Variants in ZC3HAV1 observed in about 807,000 individuals in gnomAD.
The protein encoded by ZC3HAV1 is zinc finger CCCH-type containing, antiviral 1.
In ZC3HAV1, 41 loss-of-function variants were observed where a neutral mutation model predicts 86.6. The ratio of observed to expected loss-of-function variants is 0.47; its 90% CI spans 0.37 to 0.61. The LOEUF (loss-of-function observed/expected upper bound fraction) is 0.61. Among genes scored for constraint, ZC3HAV1 ranks in the 20% least tolerant of loss-of-function variants. The pLI is 0.00. For synonymous variants in ZC3HAV1, 421 were observed against 432.1 expected (o/e 0.97, Z 0.32); for missense variants, 964 against 1,141.1 (o/e 0.84, Z 2.24).
intron 1 of ZC3HAV1, among the ~76,000 whole-genome samples, chr7:139,099,647 T>C (rs1817694713): frequency 6.6e-6 from 1 of 152,232 alleles, no homozygotes; most frequent in Non-Finnish European, 1.5e-5. Flanking sequence ...AATATACTTA[T>C]TGCCACTGAA....
rs770893830 is a variant in ZC3HAV1 at position 139,108,980 on chromosome 7, C to A, written c.308+44G>T. 6.7e-7 allele frequency: 1 copy of A among 1,500,894 alleles called. No homozygotes were observed. The highest frequency in any genetic ancestry group is 9.0e-7 in the Non-Finnish European group (1 of 1,115,346). 93.0% of individuals were successfully genotyped at this position (1,500,894 alleles called of 1,614,324 possible). On this transcript the variant is annotated intron_variant, in intron 1 of 12. Coordinates refer to ENST00000242351, the MANE Select transcript of ZC3HAV1 (RefSeq NM_020119.4). The surrounding 1 kb of genome is among the most constrained non-coding windows in gnomAD (Gnocchi z 4.2). Reference sequence around the variant, plus strand: ...CATTGCCCGCCTGGACAGTCCACCCCGACCACGGCTGCGGACAGCGCCCCT... The same window carrying A: ...CATTGCCCGCCTGGACAGTCCACCCAGACCACGGCTGCGGACAGCGCCCCT...
Position 139,067,543 on chromosome 7 carries a change from A to G in ZC3HAV1, c.1873-2544T>C, listed in dbSNP as rs1183385417. ...AAGACCACAACAGGAATGACAGACAATGGAGACTCAGAAGGATAGGGCAGG... is the reference window on the plus strand; with the variant it reads ...AAGACCACAACAGGAATGACAGACAGTGGAGACTCAGAAGGATAGGGCAGG... On this transcript the variant is annotated intron_variant, in intron 7 of 12. Coordinates refer to ENST00000242351, the MANE Select transcript of ZC3HAV1 (RefSeq NM_020119.4). 3.9e-5 allele frequency among the ~76,000 whole-genome samples: 6 copies of G among 152,270 alleles called. No homozygotes were observed. The South Asian group carries it at 6.2e-4, about 16-fold the overall frequency.
chr7:139,108,562 C>G lies in ZC3HAV1; in HGVS notation c.308+462G>C, dbSNP rs1206780605. The stretch of plus-strand genomic sequence containing the variant: ...GCGGCTCGCTCCGGCGGAGACGGAC[C>G]GGGGGCCCAGGGCGGCTGGGTTACT... On this transcript the variant is annotated intron_variant, in intron 1 of 12. Transcript: ENST00000242351. The surrounding 1 kb of genome is among the most constrained non-coding windows in gnomAD (Gnocchi z 4.2). 6.6e-6 allele frequency among the ~76,000 whole-genome samples: 1 copy of G among 152,144 alleles called. No homozygotes were observed. The highest frequency in any genetic ancestry group is 2.4e-5 in the African/African-American group (1 of 41,448).
At chr7:139,069,895 A>T (rs1584850765) in intron 7 of ZC3HAV1, among the ~76,000 whole-genome samples, 1 of 151,948 alleles carries the variant, frequency 6.6e-6, no homozygotes, top group South Asian at 2.1e-4. Flanking sequence ...TTCACAGTCC[A>T]CTCCTTTCTC....
intron 1 of ZC3HAV1, among the ~76,000 whole-genome samples, chr7:139,090,885 G>T: frequency 6.6e-6 from 1 of 152,104 alleles, no homozygotes; most frequent in Non-Finnish European, 1.5e-5. Context: ...TGTCAACCAG[G>T]AGCCGAGACC....
chr7:139,079,342 C>T, intron 4 of ZC3HAV1, 128 bp downstream of exon 4: 3 of 1,574,190 alleles, frequency 1.9e-6, no homozygotes, highest in East Asian at 4.6e-5. Context: ...CCTTGACTGC[C>T]ATTGTTAAGC....
chr7:139,053,821 T>C lies in ZC3HAV1; in HGVS notation c.2318+144A>G, dbSNP rs921807850. 8.4e-6 allele frequency: 8 copies of C among 949,530 alleles called. No individual in the cohort carries two copies. The East Asian group carries it at 2.3e-4, about 27-fold the overall frequency. 58.8% of individuals were successfully genotyped at this position (949,530 alleles called of 1,614,324 possible). On this transcript the variant is annotated intron_variant, in intron 11 of 12. Transcript: ENST00000242351. Reference sequence around the variant, plus strand: ...GCTGAGAGAGAGAAGCCAGAGTTGATAGAATGAAAAAAAAAAAAAAAGACT... The same window carrying C: ...GCTGAGAGAGAGAAGCCAGAGTTGACAGAATGAAAAAAAAAAAAAAAGACT...
chr7:139,061,127 T>C lies in ZC3HAV1; in HGVS notation c.2005A>G (p.Thr669Ala). ...TTTTGAGTTTTGGAAGCTATGTTTG[T>C]CTGAATCATCCCTTTGGACAGAAAA... Reference protein sequence around the residue: ...YELSFQGMIQTNIASKTQKDV... With the variant: ...YELSFQGMIQANIASKTQKDV... Residue 669 changes from threonine to alanine, a missense_variant, in exon 9 of 13, where the codon ACA (threonine) becomes GCA (alanine). Thr to Ala is a moderately conservative substitution (Grantham distance 58). Coordinates refer to ENST00000242351, the MANE Select transcript of ZC3HAV1 (RefSeq NM_020119.4). 6.2e-7 allele frequency: 1 copy of C among 1,613,598 alleles called. No individual in the cohort carries two copies. The highest frequency in any genetic ancestry group is 8.5e-7 in the Non-Finnish European group (1 of 1,179,936).
In ZC3HAV1 at chr7:139,048,831, T is replaced by C. The variant is rs115917764; in HGVS notation, c.2450-978A>G. 5.2e-3 allele frequency among the ~76,000 whole-genome samples: 787 copies of C among 152,262 alleles called. 8 individuals carry two copies. The highest frequency in any genetic ancestry group is 0.018 in the African/African-American group (764 of 41,544). On this transcript the variant is annotated intron_variant, in intron 12 of 12. Coordinates refer to ENST00000242351, the MANE Select transcript of ZC3HAV1 (RefSeq NM_020119.4). ...CATTGCTTATCCTGAATAGGTCAGA[T>C]ACTAGATATTCTGTGCAAATGATGT...
At chr7:139,084,874 G>A (rs1372283524) in intron 2 of ZC3HAV1, among the ~76,000 whole-genome samples, 4 of 152,144 alleles carry the variant, frequency 2.6e-5, no homozygotes, top group African/African-American at 7.2e-5. Context: ...GAGTCACTTC[G>A]ATAGACTCTG....
chr7:139,071,226 G>A (rs900569698), intron 7 of ZC3HAV1, among the ~76,000 whole-genome samples: 2 of 151,132 alleles, frequency 1.3e-5, no homozygotes, highest in Non-Finnish European at 2.9e-5. Flanking sequence ...CCTCCCAAGT[G>A]GCTGGAATTA....
At chr7:139,100,180 A>G (rs1294928727) in intron 1 of ZC3HAV1, among the ~76,000 whole-genome samples, 1 of 152,072 alleles carries the variant, frequency 6.6e-6, no homozygotes, top group Non-Finnish European at 1.5e-5. Context: ...AGACAAACTT[A>G]AAAAAATGAG....
At chr7:139,047,951 A>G in intron 12 of ZC3HAV1, 98 bp from the exon 13 acceptor site, 1 of 1,222,398 alleles carries the variant, frequency 8.2e-7, no homozygotes, top group Admixed American at 2.6e-5. Context: ...TGGACTAAGC[A>G]TATGTCAATA....
chr7:139,096,067 T>A (rs1339889634), intron 1 of ZC3HAV1, among the ~76,000 whole-genome samples: 7 of 152,022 alleles, frequency 4.6e-5, no homozygotes, highest in Non-Finnish European at 7.4e-5. Flanking sequence ...CAGGCTGGAG[T>A]GCAATGGCGC....
Position 139,046,404 on chromosome 7 carries a change from G to A in ZC3HAV1, c.*1190C>T, listed in dbSNP as rs1815956235. ...TCGCGTTTATCAGTTATGCTTGTGT[G>A]AAGCTGGTTATTGCAATTCATTGTT... On this transcript the variant is annotated 3_prime_UTR_variant, in exon 13 of 13. Coordinates refer to ENST00000242351, the MANE Select transcript of ZC3HAV1 (RefSeq NM_020119.4). 1 of 152,194 alleles carries A rather than the reference G, an allele frequency of 6.6e-6. No individual in the cohort carries two copies. The highest frequency in any genetic ancestry group is 1.5e-5 in the Non-Finnish European group (1 of 68,040). 9.4% of individuals were successfully genotyped at this position (152,194 alleles called of 1,614,324 possible).
rs909108877 is a variant in ZC3HAV1, at chr7:139,061,139, C to A, written c.1994-1G>T. 5.0e-6 allele frequency: 8 copies of A among 1,606,640 alleles called. No homozygotes were observed. The highest frequency in any genetic ancestry group is 6.8e-6 in the Non-Finnish European group (8 of 1,176,126). On this transcript the variant is annotated splice_acceptor_variant, in intron 8 of 12. Transcript: ENST00000242351. LOFTEE classifies it high-confidence loss of function. ...GAAGCTATGTTTGTCTGAATCATCC[C>A]TTTGGACAGAAAAAAAAATAAAAGC...
chr7:139,109,450 G>T lies in ZC3HAV1; in HGVS notation c.-119C>A. ...GCGGTGCTACTGCTGGGCGCGCCCG[G>T]AGTCAGCGAGGGCGCGCTCTCCGTC... On this transcript the variant is annotated 5_prime_UTR_variant, in exon 1 of 13. Transcript: ENST00000242351. 2 of 1,282,016 alleles carry T rather than the reference G, an allele frequency of 1.6e-6. No homozygotes were observed. The highest frequency in any genetic ancestry group is 2.1e-6 in the Non-Finnish European group (2 of 964,392). 79.4% of individuals were successfully genotyped at this position (1,282,016 alleles called of 1,614,324 possible).
chr7:139,062,012 G>A (rs1375869860), intron 8 of ZC3HAV1, among the ~76,000 whole-genome samples: 1 of 152,164 alleles, frequency 6.6e-6, no homozygotes, highest in African/African-American at 2.4e-5. Flanking sequence ...TCAAATTCTA[G>A]AACAGGTAAA....
At chr7:139,064,463 G>C (rs971080323) in intron 8 of ZC3HAV1, among the ~76,000 whole-genome samples, 4 of 152,154 alleles carry the variant, frequency 2.6e-5, no homozygotes, top group African/African-American at 9.7e-5. Context: ...AACCCTAAAA[G>C]AAACAGCAAG....
Sources: allele counts gnomAD v4.1 joint callset (sites outside exome capture counted in the v4.1 genomes callset), GRCh38; gene constraint gnomAD v4.1.1; non-coding constraint Gnocchi (gnomAD v3.1); transcripts MANE v1.5; gene names NCBI Gene and HGNC (gene_info 2026-07-23, HGNC 2026-07-21).